The following SLIT3 variants were observed in gnomAD, a reference collection of about 807,000 sequenced individuals.
SLIT3 encodes the protein slit guidance ligand 3.
Under a neutral mutation model 184.0 loss-of-function variants are expected in SLIT3, and 68 were observed. That is an observed-to-expected ratio of 0.37 (90% CI 0.30 to 0.45). The LOEUF is 0.45. SLIT3 is among the 20% of genes least tolerant of loss of function. SLIT3 has a pLI of 1.00. For missense variants in SLIT3, 1,707 were observed against 2,026.0 expected, an observed-to-expected ratio of 0.84 and a Z score of 3.02; for synonymous variants, 831 against 828.6, an observed-to-expected ratio of 1.00 and a Z score of -0.05.
intron 4 of SLIT3, among the ~76,000 whole-genome samples, chr5:169,056,514 T>C (rs768852443): frequency 2.0e-5 from 3 of 152,146 alleles, no homozygotes; most frequent in Non-Finnish European, 4.4e-5. Context: ...CACATTGCCA[T>C]CGATAGGTTT....
chr5:169,068,543 CCAAAG>C (rs1279141102), intron 4 of SLIT3, among the ~76,000 whole-genome samples: 4 of 152,070 alleles, frequency 2.6e-5, no homozygotes, highest in Admixed American at 2.0e-4. Flanking sequence ...TTCCTAGTGG[CCAAAG>C]CAAAGAGAGA....
chr5:168,849,909 C>T (rs1168739351), intron 5 of SLIT3, among the ~76,000 whole-genome samples: 1 of 152,152 alleles, frequency 6.6e-6, no homozygotes, highest in Admixed American at 6.5e-5. Flanking sequence ...CATGCTATTT[C>T]TTTCCTCCCT....
Position 168,789,646 on chromosome 5 carries a change from G to A in SLIT3, c.1008-15C>T, listed in dbSNP as rs532675679. 2.1e-5 allele frequency: 33 copies of A among 1,604,640 alleles called. No individual in the cohort carries two copies. The highest frequency in any genetic ancestry group is 8.4e-5 in the Admixed American group (5 of 59,660). ...TGCTGATGTCTCTGAAAACGTTAACGGTAAAGTCTGAGAACATGGCTCAAA... is the reference window on the plus strand; with the variant it reads ...TGCTGATGTCTCTGAAAACGTTAACAGTAAAGTCTGAGAACATGGCTCAAA... On this transcript the variant is annotated splice_polypyrimidine_tract_variant and intron_variant, in intron 10 of 35. Transcript: ENST00000519560.
intron 4 of SLIT3, chr5:169,024,076 C>T (rs1446786395): frequency 6.6e-6 from 1 of 152,124 alleles, no homozygotes; most frequent in East Asian, 1.9e-4. Flanking sequence ...TGGTGAATAA[C>T]CAGTAGATGG....
At chr5:168,879,971 A>C (rs929709256) in intron 5 of SLIT3, among the ~76,000 whole-genome samples, 2 of 152,228 alleles carry the variant, frequency 1.3e-5, no homozygotes, top group Admixed American at 6.5e-5. Context: ...GATTATGAGA[A>C]TTTGCCATCA....
At chr5:168,775,079 C>T (rs1755696809) in intron 12 of SLIT3, among the ~76,000 whole-genome samples, 1 of 151,168 alleles carries the variant, frequency 6.6e-6, no homozygotes, top group South Asian at 2.1e-4. Flanking sequence ...CTCTTGTCGC[C>T]CAGGCTGGAG....
At chr5:169,176,899 C>T (rs984279058) in intron 4 of SLIT3, among the ~76,000 whole-genome samples, 1 of 152,208 alleles carries the variant, frequency 6.6e-6, no homozygotes, top group African/African-American at 2.4e-5. Context: ...CCAGCACCCT[C>T]TTAGAAATCC....
intron 4 of SLIT3, among the ~76,000 whole-genome samples, chr5:168,941,617 C>A (rs1762335061): frequency 6.6e-6 from 1 of 152,144 alleles, no homozygotes; most frequent in East Asian, 1.9e-4. Flanking sequence ...AAATGGAAAT[C>A]CAGTCTCTGA....
chr5:169,245,874 C>T (rs1023071376), intron 2 of SLIT3, among the ~76,000 whole-genome samples: 9 of 152,168 alleles, frequency 5.9e-5, no homozygotes, highest in Non-Finnish European at 5.9e-5. Context: ...CTATCTTCCC[C>T]ACTATGCCTA....
chr5:168,879,712 A>G (rs533240714), intron 5 of SLIT3, among the ~76,000 whole-genome samples: 1 of 152,310 alleles, frequency 6.6e-6, no homozygotes, highest in African/African-American at 2.4e-5. Flanking sequence ...CAGATCACAA[A>G]CTTCCTCACA....
intron 4 of SLIT3, among the ~76,000 whole-genome samples, chr5:169,083,530 A>C (rs866577185): frequency 6.6e-6 from 1 of 152,244 alleles, no homozygotes; most frequent in Non-Finnish European, 1.5e-5. Context: ...TTGAGGTTGC[A>C]CATTGGCAAA....
chr5:168,844,506 C>G, intron 6 of SLIT3, 78 bp downstream of exon 6: 1 of 1,338,492 alleles, frequency 7.5e-7, no homozygotes, highest in Non-Finnish European at 1.1e-6. Context: ...CTCTCCCCCT[C>G]TCTCCTCCCC....
chr5:169,093,127 G>A (rs1467314813), intron 4 of SLIT3, among the ~76,000 whole-genome samples: 1 of 152,196 alleles, frequency 6.6e-6, no homozygotes, highest in African/African-American at 2.4e-5. Flanking sequence ...ATTTATAACT[G>A]TAAATTATGA....
intron 19 of SLIT3, among the ~76,000 whole-genome samples, chr5:168,748,774 T>G (rs1754594945): frequency 6.6e-6 from 1 of 152,156 alleles, no homozygotes. Context: ...TTCTCCTTTC[T>G]TTCTCTGCTC....
chr5:168,799,230 T>G (rs535091580), intron 9 of SLIT3, among the ~76,000 whole-genome samples: 5 of 152,196 alleles, frequency 3.3e-5, no homozygotes, highest in Non-Finnish European at 5.9e-5. Context: ...AGACTCCTAG[T>G]GTGAAAAGCT....
chr5:169,168,681 G>T (rs867991073), intron 4 of SLIT3, among the ~76,000 whole-genome samples: 1 of 152,160 alleles, frequency 6.6e-6, no homozygotes, highest in African/African-American at 2.4e-5. Context: ...TGACAAAGTC[G>T]AGATTCAGAC....
intron 1 of SLIT3, among the ~76,000 whole-genome samples, chr5:169,289,040 C>T (rs1296225862): frequency 6.6e-6 from 1 of 152,214 alleles, no homozygotes. Flanking sequence ...CATTTGGAGA[C>T]ATCTGATCTC....
intron 9 of SLIT3, among the ~76,000 whole-genome samples, chr5:168,802,446 T>A (rs963543316): frequency 1.3e-5 from 2 of 152,178 alleles, no homozygotes; most frequent in Non-Finnish European, 2.9e-5. Context: ...TTCAGTTTCA[T>A]TTTATCACAG....
At chr5:169,070,250 T>C (rs1384943593) in intron 4 of SLIT3, among the ~76,000 whole-genome samples, 2 of 152,142 alleles carry the variant, frequency 1.3e-5, no homozygotes, top group Non-Finnish European at 2.9e-5. Context: ...TGGATGTTTC[T>C]GGGATTGAAG....
Sources: gnomAD v4.1 joint callset for allele counts (sites outside exome capture counted in the v4.1 genomes callset) on GRCh38, gnomAD v4.1.1 for gene constraint, MANE v1.5 for transcripts, NCBI Gene and HGNC (gene_info 2026-07-23, HGNC 2026-07-21) for gene names.